SH3BGR: variants seen among roughly 807,000 people sequenced by gnomAD.
SH3BGR encodes the protein SH3 domain-binding glutamic acid-rich protein.
SH3BGR carries 29 observed loss-of-function variants against 24.5 expected under a neutral mutation model. The observed-to-expected ratio is 1.18, with a 90% CI of 0.88 to 1.61. SH3BGR has a LOEUF of 1.61. Ranked by LOEUF, SH3BGR falls within the 40% of genes most tolerant of loss-of-function variation. The pLI is 0.00. For synonymous variants in SH3BGR, 55 were observed against 65.7 expected (o/e 0.84, Z 0.79); for missense variants, 162 against 205.8 (o/e 0.79, Z 1.30).
chr21:39,495,550 G>A (rs1298088970), intron 3 of SH3BGR, among the ~76,000 whole-genome samples: 1 of 151,674 alleles, frequency 6.6e-6, no homozygotes, highest in Non-Finnish European at 1.5e-5. Context: ...CATAATCATG[G>A]CCCACTGCAG....
chr21:39,469,277 T>C (rs567127520), intron 2 of SH3BGR, among the ~76,000 whole-genome samples: 1 of 151,922 alleles, frequency 6.6e-6, no homozygotes, highest in East Asian at 1.9e-4. Flanking sequence ...TTATGTCTTC[T>C]CTTTATTCCT....
At chr21:39,490,070 T>A (rs1479880251) in intron 3 of SH3BGR, among the ~76,000 whole-genome samples, 4 of 152,224 alleles carry the variant, frequency 2.6e-5, no homozygotes, top group African/African-American at 9.6e-5. Context: ...AGGTGAACTA[T>A]CTTGATGGGA....
chr21:39,446,941 T>C (rs1286994769), intron 1 of SH3BGR: 2 of 152,222 alleles, frequency 1.3e-5, no homozygotes, highest in African/African-American at 2.4e-5. Context: ...GTGTTTTTTT[T>C]CAAATTGACT....
chr21:39,483,792 G>T (rs758320619), intron 3 of SH3BGR, among the ~76,000 whole-genome samples: 2 of 152,186 alleles, frequency 1.3e-5, no homozygotes, highest in Non-Finnish European at 2.9e-5. Flanking sequence ...CATTCTGTAA[G>T]TAGATAAAAT....
At chr21:39,513,004 T>TA (rs973503791) in intron 6 of SH3BGR, among the ~76,000 whole-genome samples, 1 of 152,176 alleles carries the variant, frequency 6.6e-6, no homozygotes, top group Non-Finnish European at 1.5e-5. Context: ...AAGCGTTTTT[T>TA]AAAAAATTTA....
chr21:39,448,583 G>A (rs972381770), upstream of SH3BGR, among the ~76,000 whole-genome samples: 28 of 152,180 alleles, frequency 1.8e-4, no homozygotes, highest in Admixed American at 1.5e-3. Flanking sequence ...TGTCCTACTC[G>A]GGAGGCTGAG....
intron 1 of SH3BGR, among the ~76,000 whole-genome samples, chr21:39,454,613 A>C (rs1367568487): frequency 6.6e-6 from 1 of 152,232 alleles, no homozygotes; most frequent in South Asian, 2.1e-4. Flanking sequence ...TCCAAGATGC[A>C]CAGCCCCTGG....
intron 4 of SH3BGR, among the ~76,000 whole-genome samples, chr21:39,503,665 A>T (rs776441873): frequency 4.7e-4 from 71 of 152,242 alleles, no homozygotes; most frequent in Non-Finnish European, 9.0e-4. Context: ...TTTGACATTG[A>T]TTAAAAAAAT....
chr21:39,480,506 T>G (rs536460582), intron 3 of SH3BGR, among the ~76,000 whole-genome samples: 1 of 152,284 alleles, frequency 6.6e-6, no homozygotes, highest in African/African-American at 2.4e-5. Flanking sequence ...TTGTCTGTGT[T>G]GTAGCAGGTG....
chr21:39,477,209 A>T (rs533660446), intron 3 of SH3BGR, among the ~76,000 whole-genome samples: 1 of 152,146 alleles, frequency 6.6e-6, no homozygotes, highest in East Asian at 1.9e-4. Context: ...TGTCATAAAC[A>T]TGTTTATGCT....
chr21:39,491,226 T>A (rs1178850726), intron 3 of SH3BGR, among the ~76,000 whole-genome samples: 1 of 152,044 alleles, frequency 6.6e-6, no homozygotes, highest in African/African-American at 2.4e-5. Context: ...CTCGGCTCAC[T>A]GCAACCTCCG....
intron 2 of SH3BGR, among the ~76,000 whole-genome samples, chr21:39,470,697 T>A (rs962695344): frequency 1.7e-4 from 26 of 152,222 alleles, no homozygotes; most frequent in East Asian, 1.2e-3. Flanking sequence ...GGTTGAACAA[T>A]CAATGTTTGT....
chr21:39,484,132 TG>T (rs1444898609), intron 3 of SH3BGR, among the ~76,000 whole-genome samples: 2 of 152,194 alleles, frequency 1.3e-5, no homozygotes, highest in Admixed American at 1.3e-4. Flanking sequence ...ACTTTTTTCT[TG>T]GCAATGAGAA....
In SH3BGR at chr21:39,510,188, C is replaced by T. The variant is rs927858932; in HGVS notation, c.435+1161C>T. On this transcript the variant is annotated intron_variant, in intron 5 of 6. Coordinates refer to ENST00000333634, the MANE Select transcript of SH3BGR (RefSeq NM_007341.3). ...CGATCTCCTGACCTTGTGATCCGCCCGCCTCGGCCTCCCAAAGTGCTGGGA... is the reference window on the plus strand; with the variant it reads ...CGATCTCCTGACCTTGTGATCCGCCTGCCTCGGCCTCCCAAAGTGCTGGGA... Among the ~76,000 whole-genome samples, 24 of 127,320 alleles carry T rather than the reference C, an allele frequency of 1.9e-4. 1 individual carries two copies. The highest frequency in any genetic ancestry group is 7.4e-4 in the African/African-American group (21 of 28,366). The allele number at this position is 127,320 out of a possible 152,430, so 83.5% of individuals were successfully genotyped here.
chr21:39,480,007 A>G (rs117755849), intron 3 of SH3BGR, among the ~76,000 whole-genome samples: 1 of 152,138 alleles, frequency 6.6e-6, no homozygotes, highest in Non-Finnish European at 1.5e-5. Flanking sequence ...GCTTCTCATG[A>G]TTAACTAGAA....
At position 39,462,477 on chromosome 21, in the gene SH3BGR, A is replaced by G; in HGVS notation, c.148A>G (p.Arg50Gly). ...AGDEDNRRWMRENVPGEKKPQ... is the reference protein window; with the variant it reads ...AGDEDNRRWMGENVPGEKKPQ... ...AGATGAAGACAACAGGAGGTGGATGAGAGAGAATGTTCCTGGAGAGAAAAA... is the reference window on the plus strand; with the variant it reads ...AGATGAAGACAACAGGAGGTGGATGGGAGAGAATGTTCCTGGAGAGAAAAA... The change falls in exon 2 of 7, where the codon AGA becomes GGA. Residue 50 changes from arginine to glycine, a missense_variant. Physicochemically the swap from Arg to Gly is moderately radical, Grantham distance 125 (BLOSUM62 -2). Coordinates refer to ENST00000333634, the MANE Select transcript of SH3BGR (RefSeq NM_007341.3). 6.2e-7 allele frequency: 1 copy of G among 1,608,590 alleles called. No individual in the cohort carries two copies. The highest frequency in any genetic ancestry group is 8.5e-7 in the Non-Finnish European group (1 of 1,178,788).
At chr21:39,509,585 C>T (rs1490421505) in intron 5 of SH3BGR, among the ~76,000 whole-genome samples, 1 of 151,060 alleles carries the variant, frequency 6.6e-6, no homozygotes, top group South Asian at 2.1e-4. Context: ...AGCGATTCTC[C>T]TGCCTCAGCC....
intron 4 of SH3BGR, among the ~76,000 whole-genome samples, chr21:39,501,860 G>A (rs898927788): frequency 7.9e-5 from 12 of 152,158 alleles, no homozygotes; most frequent in Admixed American, 3.9e-4. Context: ...TTGTTTTGAC[G>A]GTCTCTGGTT....
chr21:39,512,648 CG>C (rs2078715876), intron 6 of SH3BGR, among the ~76,000 whole-genome samples: 1 of 152,028 alleles, frequency 6.6e-6, no homozygotes, highest in Admixed American at 6.5e-5. Flanking sequence ...GTGCATTAGC[CG>C]GGTGGGGTGG....
Sources: allele counts gnomAD v4.1 joint callset (sites outside exome capture counted in the v4.1 genomes callset), GRCh38; gene constraint gnomAD v4.1.1; transcripts MANE v1.5; gene names NCBI Gene and HGNC (gene_info 2026-07-23, HGNC 2026-07-21).